The following DCLK1 variants were observed in gnomAD, a reference collection of about 807,000 sequenced individuals.
The protein encoded by DCLK1 is doublecortin like kinase 1.
In DCLK1, 16 loss-of-function variants were observed where a neutral mutation model predicts 86.2. The observed-to-expected ratio is 0.19, with a 90% CI of 0.13 to 0.28. The LOEUF (loss-of-function observed/expected upper bound fraction) is 0.28. Among genes scored for constraint, DCLK1 ranks in the 10% least tolerant of loss-of-function variants. DCLK1 has a pLI of 1.00. For missense variants in DCLK1, 590 were observed against 940.2 expected, an observed-to-expected ratio of 0.63 and a Z score of 4.87; for synonymous variants, 369 against 370.5, an observed-to-expected ratio of 1.00 and a Z score of 0.05.
intron 4 of DCLK1, among the ~76,000 whole-genome samples, chr13:35,905,617 C>T (rs1874646561): frequency 6.6e-6 from 1 of 152,198 alleles, no homozygotes; most frequent in Non-Finnish European, 1.5e-5. Context: ...GAATTTTCCA[C>T]TTAGATGAGT....
intron 3 of DCLK1, among the ~76,000 whole-genome samples, chr13:36,004,016 C>T (rs1891671): frequency 0.52 from 78,328 of 151,982 alleles, 21,660 homozygotes; most frequent in Admixed American, 0.61. Context: ...ATAATAGTCA[C>T]TCTGAAAAGA....
chr13:35,958,069 C>G (rs1593767581), intron 3 of DCLK1, among the ~76,000 whole-genome samples: 1 of 31,624 alleles, frequency 3.2e-5, no homozygotes, highest in Non-Finnish European at 1.2e-4. Flanking sequence ...ACCACTAGCA[C>G]CACCACCACT....
At chr13:35,868,498 G>C (rs1368138231) in intron 5 of DCLK1, among the ~76,000 whole-genome samples, 1 of 152,110 alleles carries the variant, frequency 6.6e-6, no homozygotes, top group Non-Finnish European at 1.5e-5. Flanking sequence ...CTTATATACT[G>C]AGAGGAAGAA....
intron 3 of DCLK1, among the ~76,000 whole-genome samples, chr13:35,958,097 CGCTATAACCACCATCACCACCACCACT>C (rs1400973765): frequency 1.6e-5 from 2 of 127,266 alleles, no homozygotes; most frequent in Admixed American, 7.8e-5. Flanking sequence ...CCATCACCAC[CGCTATAACCACCATCACCACCACCACT>C]ACCACTACTA....
chr13:35,775,733 G>A (rs2086414669), intron 16 of DCLK1, among the ~76,000 whole-genome samples: 1 of 152,278 alleles, frequency 6.6e-6, no homozygotes, highest in East Asian at 1.9e-4. Flanking sequence ...TTCTTCTACA[G>A]GGATATATGC....
chr13:36,126,545 G>A (rs1179280446), intron 1 of DCLK1, among the ~76,000 whole-genome samples: 5 of 152,054 alleles, frequency 3.3e-5, no homozygotes, highest in Non-Finnish European at 7.4e-5. Context: ...CCAAAGTTTG[G>A]GGATGATGTT....
intron 15 of DCLK1, among the ~76,000 whole-genome samples, chr13:35,802,177 A>G (rs1218318932): frequency 2.0e-5 from 3 of 151,988 alleles, no homozygotes; most frequent in African/African-American, 4.8e-5. Flanking sequence ...TAATTTTTCA[A>G]AAAAATTGCT....
chr13:35,860,508 C>A (rs2153112117), intron 5 of DCLK1, among the ~76,000 whole-genome samples: 1 of 152,086 alleles, frequency 6.6e-6, no homozygotes, highest in Admixed American at 6.5e-5. Context: ...TCAAAGAAAC[C>A]ATCTACTGAG....
chr13:35,873,170 C>T (rs942088658), intron 4 of DCLK1, among the ~76,000 whole-genome samples: 23 of 151,732 alleles, frequency 1.5e-4, no homozygotes, highest in African/African-American at 5.6e-4. Flanking sequence ...TGGTGGTGGG[C>T]GCCAGTAATC....
At chr13:36,053,893 AAG>A (rs1218919650) in intron 3 of DCLK1, among the ~76,000 whole-genome samples, 1 of 152,090 alleles carries the variant, frequency 6.6e-6, no homozygotes, top group Non-Finnish European at 1.5e-5. Flanking sequence ...CTGAGGCATA[AAG>A]AGAGGAAGCT....
At chr13:35,879,781 G>T (rs1236051526) in intron 4 of DCLK1, among the ~76,000 whole-genome samples, 1 of 152,188 alleles carries the variant, frequency 6.6e-6, no homozygotes, top group East Asian at 1.9e-4. Flanking sequence ...TTCCTGAAAT[G>T]AATACTGATC....
rs555939689 is a variant in DCLK1, at chr13:36,062,463, T to A, written c.723+49406A>T. Among the ~76,000 whole-genome samples, 30 of 152,246 alleles carry A rather than the reference T, an allele frequency of 2.0e-4. No individual in the cohort carries two copies. The South Asian group carries it at 3.9e-3, about 20-fold the overall frequency. ...GTGGAGAACAACCCACCTGTTACCC[T>A]AGACAGAAAGGCACCTGGCTACTCG... is the stretch of plus-strand genomic sequence containing the variant. On this transcript the variant is annotated intron_variant, in intron 3 of 16. Transcript: ENST00000360631.
intron 3 of DCLK1, among the ~76,000 whole-genome samples, chr13:36,095,494 C>G (rs1472259243): frequency 6.6e-6 from 1 of 152,158 alleles, no homozygotes; most frequent in Non-Finnish European, 1.5e-5. Context: ...GTGTGAGCCA[C>G]TGTGCCCGGC....
chr13:36,118,538 A>T (rs2138203852), intron 2 of DCLK1, among the ~76,000 whole-genome samples: 1 of 152,200 alleles, frequency 6.6e-6, no homozygotes, highest in African/African-American at 2.4e-5. Flanking sequence ...AATTAAGTTG[A>T]CTTTGCACAT....
chr13:35,857,624 C>T (rs765090569), intron 5 of DCLK1, among the ~76,000 whole-genome samples: 1 of 152,194 alleles, frequency 6.6e-6, no homozygotes, highest in African/African-American at 2.4e-5. Flanking sequence ...TGTTTAAATT[C>T]TTTTAAACTA....
At chr13:35,817,650 TC>T (rs1391539241) in intron 11 of DCLK1, among the ~76,000 whole-genome samples, 1 of 152,112 alleles carries the variant, frequency 6.6e-6, no homozygotes, top group Non-Finnish European at 1.5e-5. Flanking sequence ...AAGTGGTACA[TC>T]CCTTCTCTGG....
At chr13:35,784,129 T>C (rs903932918) in intron 16 of DCLK1, among the ~76,000 whole-genome samples, 1 of 152,166 alleles carries the variant, frequency 6.6e-6, no homozygotes, top group Non-Finnish European at 1.5e-5. Flanking sequence ...AGCATAGATG[T>C]TTACTTTTAA....
chr13:35,794,604 C>G (rs990313176), intron 15 of DCLK1, among the ~76,000 whole-genome samples: 2 of 152,140 alleles, frequency 1.3e-5, no homozygotes, highest in African/African-American at 4.8e-5. Context: ...CTACATGGAC[C>G]AGGTACTACA....
intron 4 of DCLK1, among the ~76,000 whole-genome samples, chr13:35,872,935 C>T (rs2153114992): frequency 6.6e-6 from 1 of 152,190 alleles, no homozygotes; most frequent in East Asian, 1.9e-4. Context: ...CTTTCTTGGT[C>T]AACCCATAGC....
Sources: allele counts gnomAD v4.1 joint callset (sites outside exome capture counted in the v4.1 genomes callset), GRCh38; gene constraint gnomAD v4.1.1; transcripts MANE v1.5; gene names NCBI Gene and HGNC (gene_info 2026-07-23, HGNC 2026-07-21).